Variants in NDRG4 observed in about 807,000 individuals in gnomAD.
The protein encoded by NDRG4 is NDRG family member 4.
Under a neutral mutation model 55.8 loss-of-function variants are expected in NDRG4, and 38 were observed. The observed-to-expected ratio is 0.68, with a 90% CI of 0.53 to 0.89. The LOEUF is 0.89. Ranked by LOEUF, NDRG4 falls within the 40% of genes least tolerant of loss-of-function variation. The probability of loss-of-function intolerance (pLI) is 0.00; values close to 1 mark genes in which losing one functional copy is unlikely to be tolerated. For missense variants in NDRG4, 455 were observed against 468.6 expected (o/e 0.97, Z 0.27); for synonymous variants, 190 against 182.7 (o/e 1.04, Z -0.32).
At chr16:58,492,215 C>T (rs538342685) in intron 2 of NDRG4, among the ~76,000 whole-genome samples, 1 of 152,296 alleles carries the variant, frequency 6.6e-6, no homozygotes, top group East Asian at 1.9e-4. Flanking sequence ...CCTTTGGAGA[C>T]TCCAGTGCCT....
chr16:58,504,288 G>A lies in NDRG4; in HGVS notation c.248+14G>A. 1 of 1,614,064 alleles carries A rather than the reference G, an allele frequency of 6.2e-7. No individual in the cohort carries two copies. Among genetic ancestry groups the A allele is most frequent in the Non-Finnish European group, 8.5e-7 (1 of 1,179,996 alleles). On this transcript the variant is annotated intron_variant, in intron 3 of 14. Transcript: ENST00000570248. Reference sequence around the variant, plus strand: ...GTTTCCTCAGGGGTAGGTACCCTGAGCCCCCTCTGCCTGTCTCCAGCTCTG... The same window carrying A: ...GTTTCCTCAGGGGTAGGTACCCTGAACCCCCTCTGCCTGTCTCCAGCTCTG...
chr16:58,506,308 C>A, intron 5 of NDRG4, 79 bp from the exon 6 acceptor site: 1 of 1,406,610 alleles, frequency 7.1e-7, no homozygotes, highest in Non-Finnish European at 1.0e-6. Context: ...ATCAGCAGCA[C>A]CTTGAAGACT....
intron 1 of NDRG4, among the ~76,000 whole-genome samples, chr16:58,485,214 A>G (rs2034950316): frequency 6.6e-6 from 1 of 152,126 alleles, no homozygotes; most frequent in Admixed American, 6.5e-5. Flanking sequence ...CTTCTCTGCC[A>G]CCGTGCTGTG....
At chr16:58,473,547 A>G (rs1415176903) in intron 1 of NDRG4, among the ~76,000 whole-genome samples, 2 of 151,982 alleles carry the variant, frequency 1.3e-5, no homozygotes, top group African/African-American at 2.4e-5. Context: ...CTTTCCCCCA[A>G]ACCTTTTCTC....
chr16:58,512,519 C>T lies in NDRG4; in HGVS notation c.*943C>T. On this transcript the variant is annotated 3_prime_UTR_variant, in exon 15 of 15. Transcript: ENST00000570248. ...ATCAGTAGCAGTGTGGTGTTTCAGG[C>T]AGAGCTCTGGCCAGGCTGTGCCAGT... The T allele has an allele frequency of 4.5e-6, 1 of 223,682 alleles. No homozygotes were observed. Among genetic ancestry groups the T allele is most frequent in the Non-Finnish European group, 9.0e-6 (1 of 110,604 alleles). The allele number at this position is 223,682 out of a possible 1,614,324, so 13.9% of individuals were successfully genotyped here. A position where few individuals can be genotyped will look rare whatever the true frequency, so the allele number is the denominator to read the frequency against.
upstream of NDRG4, among the ~76,000 whole-genome samples, chr16:58,495,824 C>T (rs1000306353): frequency 5.3e-5 from 8 of 152,108 alleles, no homozygotes; most frequent in Non-Finnish European, 1.0e-4. Context: ...TCAGATCCTC[C>T]GGGAATGCCA....
rs2031194086 is a variant in NDRG4 at position 58,464,536 on chromosome 16, G to C, written c.-24+739G>C. The C allele has an allele frequency of 1.1e-5, 14 of 1,256,896 alleles. No homozygotes were observed. The Admixed American group carries it at 1.7e-4, about 15-fold the overall frequency. The allele number at this position is 1,256,896 out of a possible 1,614,324, so 77.9% of individuals were successfully genotyped here. A position where few individuals can be genotyped will look rare whatever the true frequency, so the allele number is the denominator to read the frequency against. ...GGAGCGGACTCCGGGCGCGGCGGCC[G>C]GGGACTGGGGCGGCTCGGGTCTGAG... On this transcript the variant is annotated intron_variant, in intron 1 of 15. Coordinates refer to the NDRG4 transcript ENST00000258187. This position sits in a 1 kb window ranked among gnomAD's most constrained non-coding sequence, Gnocchi z 4.8.
intron 1 of NDRG4, among the ~76,000 whole-genome samples, chr16:58,479,326 G>T (rs1375082292): frequency 6.6e-6 from 1 of 152,178 alleles, no homozygotes; most frequent in East Asian, 1.9e-4. Flanking sequence ...ACTCCAGGGT[G>T]CAGATGTTCC....
At chr16:58,505,654 C>T (rs980044100) in intron 5 of NDRG4, among the ~76,000 whole-genome samples, 2 of 143,168 alleles carry the variant, frequency 1.4e-5, no homozygotes, top group African/African-American at 2.6e-5. Context: ...ATGCCTACGG[C>T]AAAACAGACT....
intron 5 of NDRG4, 65 bp from the exon 6 acceptor site, chr16:58,506,322 C>A: frequency 1.3e-6 from 2 of 1,490,338 alleles, no homozygotes; most frequent in South Asian, 1.1e-5. Context: ...GAAGACTTTA[C>A]AGAGTGTTTC....
In NDRG4 at chr16:58,506,296, T is replaced by C. The variant is rs1032217631; in HGVS notation, c.373-91T>C. On this transcript the variant is annotated intron_variant, in intron 5 of 14. Coordinates refer to ENST00000570248, the MANE Select transcript of NDRG4 (RefSeq NM_001242835.2). ...ACAGACCCGGCTGTAGCCGGGTGGCTGATCAGCAGCACCTTGAAGACTTTA... is the reference window on the plus strand; with the variant it reads ...ACAGACCCGGCTGTAGCCGGGTGGCCGATCAGCAGCACCTTGAAGACTTTA... 5.4e-6 allele frequency: 7 copies of C among 1,295,634 alleles called. No homozygotes were observed. The African/African-American group carries it at 1.0e-4, about 19-fold the overall frequency. 80.3% of individuals were successfully genotyped at this position (1,295,634 alleles called of 1,614,324 possible). A position where few individuals can be genotyped will look rare whatever the true frequency, so the allele number is the denominator to read the frequency against.
chr16:58,464,628 C>A lies in NDRG4; in HGVS notation c.-24+831C>A. 1.1e-6 allele frequency: 1 copy of A among 926,050 alleles called. No homozygotes were observed. Among genetic ancestry groups the A allele is most frequent in the Non-Finnish European group, 1.4e-6 (1 of 695,488 alleles). The allele number at this position is 926,050 out of a possible 1,614,324, so 57.4% of individuals were successfully genotyped here. ...TACCTGTTTGTGTGCGGAGCCCAGCCCCGGGAGAGGACTTGAGGTTGTGGC... is the reference window on the plus strand; with the variant it reads ...TACCTGTTTGTGTGCGGAGCCCAGCACCGGGAGAGGACTTGAGGTTGTGGC... On this transcript the variant is annotated intron_variant, in intron 1 of 15. Coordinates refer to the NDRG4 transcript ENST00000258187. The surrounding 1 kb of genome is among the most constrained non-coding windows in gnomAD (Gnocchi z 4.8).
At chr16:58,480,611 A>G (rs1164470051) in intron 1 of NDRG4, among the ~76,000 whole-genome samples, 2 of 152,138 alleles carry the variant, frequency 1.3e-5, no homozygotes, top group East Asian at 3.8e-4. Context: ...GTGCTTTCCT[A>G]TGGCTTCTGT....
In NDRG4 at chr16:58,513,263, A is replaced by ATGTT. The variant is rs1359868716; in HGVS notation, c.*1689_*1692dup. 1.4e-4 allele frequency: 22 copies of ATGTT among 151,856 alleles called. No individual in the cohort carries two copies. Among genetic ancestry groups the ATGTT allele is most frequent in the African/African-American group, 5.3e-4 (22 of 41,142 alleles). 9.4% of individuals were successfully genotyped at this position (151,856 alleles called of 1,614,324 possible). On this transcript the variant is annotated 3_prime_UTR_variant, in exon 15 of 15. Coordinates refer to ENST00000570248, the MANE Select transcript of NDRG4 (RefSeq NM_001242835.2). ...TCTCTTTGGTCAAGGTGAACTTTTAATGTTTATTATTTTCTTCTCCGCACA... is the reference window on the plus strand; with the variant it reads ...TCTCTTTGGTCAAGGTGAACTTTTAATGTTTGTTTATTATTTTCTTCTCCGCACA...
intron 14 of NDRG4, chr16:58,511,007 G>T: frequency 2.0e-6 from 1 of 507,268 alleles, no homozygotes; most frequent in East Asian, 3.1e-5. Context: ...GAGAGTTCCG[G>T]AGGGTAGAGT....
At chr16:58,505,746 G>T (rs1461999988) in intron 5 of NDRG4, among the ~76,000 whole-genome samples, 1 of 109,176 alleles carries the variant, frequency 9.2e-6, no homozygotes, top group Non-Finnish European at 1.7e-5. Flanking sequence ...TTTTGAGATG[G>T]AGTCTTGCTC....
chr16:58,503,520 G>A (rs997298920), intron 1 of NDRG4, among the ~76,000 whole-genome samples: 5 of 152,154 alleles, frequency 3.3e-5, no homozygotes, highest in African/African-American at 1.2e-4. Context: ...CCTCAAGGGC[G>A]GAGGACAGTG....
chr16:58,488,369 G>A (rs545848127), intron 2 of NDRG4, among the ~76,000 whole-genome samples: 1 of 152,204 alleles, frequency 6.6e-6, no homozygotes, highest in Admixed American at 6.5e-5. Context: ...CTCCGTCAAG[G>A]GACAAGGCAT....
chr16:58,492,439 GC>G (rs554613171), intron 2 of NDRG4, among the ~76,000 whole-genome samples: 1 of 151,308 alleles, frequency 6.6e-6, no homozygotes, highest in Non-Finnish European at 1.5e-5. Flanking sequence ...ATCTCCTGGG[GC>G]CCCCAGACCC....
Sources: allele counts gnomAD v4.1 joint callset (sites outside exome capture counted in the v4.1 genomes callset), GRCh38; gene constraint gnomAD v4.1.1; non-coding constraint Gnocchi (gnomAD v3.1); transcripts MANE v1.5; gene names NCBI Gene and HGNC (gene_info 2026-07-23, HGNC 2026-07-21).